The following CACUL1 variants were observed in gnomAD, a reference collection of about 807,000 sequenced individuals.
CACUL1 encodes the protein CDK2 associated cullin domain 1.
In CACUL1, 13 loss-of-function variants were observed where a neutral mutation model predicts 45.2. That is an observed-to-expected ratio of 0.29 (90% CI 0.19 to 0.46). The LOEUF (loss-of-function observed/expected upper bound fraction) is 0.46, where lower values mean the gene tolerates loss of function less well. CACUL1 is among the 20% of genes least tolerant of loss of function. The pLI, the probability that CACUL1 is intolerant of heterozygous loss-of-function variation, is 1.00. For synonymous variants in CACUL1, 197 were observed against 174.2 expected (o/e 1.13, Z -1.03); for missense variants, 421 against 471.4 (o/e 0.89, Z 0.99).
chr10:118,703,308 T>TC (rs991375183), intron 4 of CACUL1, among the ~76,000 whole-genome samples: 1 of 151,722 alleles, frequency 6.6e-6, no homozygotes, highest in Admixed American at 6.6e-5. Flanking sequence ...TATGCTTTTT[T>TC]CCCCCTAAAA....
At chr10:118,696,960 T>A (rs901628006) in intron 5 of CACUL1, among the ~76,000 whole-genome samples, 2 of 151,830 alleles carry the variant, frequency 1.3e-5, no homozygotes, top group African/African-American at 4.9e-5. Flanking sequence ...ACTCCTACCA[T>A]AACTGAAATC....
intron 8 of CACUL1, 89 bp downstream of exon 8, chr10:118,686,509 T>C (rs1443996098): frequency 1.9e-6 from 2 of 1,031,886 alleles, no homozygotes; most frequent in African/African-American, 1.6e-5. Context: ...ATGGGTATCA[T>C]CAAATTCAAT....
chr10:118,714,618 C>CAA (rs1272029572), intron 3 of CACUL1, among the ~76,000 whole-genome samples: 1 of 152,004 alleles, frequency 6.6e-6, no homozygotes, highest in African/African-American at 2.4e-5. Flanking sequence ...GTCTTTTTTT[C>CAA]AAGTGAAAAT....
At chr10:118,705,271 G>A (rs1451071035) in intron 4 of CACUL1, among the ~76,000 whole-genome samples, 1 of 152,092 alleles carries the variant, frequency 6.6e-6, no homozygotes, top group Non-Finnish European at 1.5e-5. Flanking sequence ...AAGTTGATTT[G>A]GCAGTATACC....
intron 3 of CACUL1, among the ~76,000 whole-genome samples, chr10:118,717,143 C>G (rs1052720461): frequency 6.6e-6 from 1 of 152,178 alleles, no homozygotes; most frequent in African/African-American, 2.4e-5. Context: ...AGCTGGCCCA[C>G]CTGTTAAGCA....
chr10:118,710,205 T>TGTGA (rs1564832290), intron 3 of CACUL1, among the ~76,000 whole-genome samples: 1 of 151,740 alleles, frequency 6.6e-6, no homozygotes, highest in Admixed American at 6.6e-5. Context: ...GGATTACAGG[T>TGTGA]GTGAGCCACC....
rs574984023 is a variant in CACUL1, at chr10:118,684,050, A to G, written c.*2078T>C. ...AAATTTTGCAAACTTTACTTTGCCC[A>G]CTTTTTATTAATACATACATAGTAA... is the stretch of plus-strand genomic sequence containing the variant. On this transcript the variant is annotated 3_prime_UTR_variant, in exon 9 of 9. Transcript: ENST00000369151. 3 of 152,760 alleles carry G rather than the reference A, an allele frequency of 2.0e-5. No homozygotes were observed. Among genetic ancestry groups the G allele is most frequent in the East Asian group, 1.9e-4 (1 of 5,184 alleles). 9.5% of individuals were successfully genotyped at this position (152,760 alleles called of 1,614,324 possible).
rs1845123320 is a variant in CACUL1, at chr10:118,678,946, G to A, written c.*7182C>T. ...TGCAAGATCTATTAATTACTGAGAG[G>A]GGTATGTTGAAAATGCCCATTATGT... is the stretch of plus-strand genomic sequence containing the variant. On this transcript the variant is annotated 3_prime_UTR_variant, in exon 9 of 9. Coordinates refer to ENST00000369151, the MANE Select transcript of CACUL1 (RefSeq NM_153810.5). The A allele has an allele frequency of 6.6e-6, 1 of 152,088 alleles. No individual in the cohort carries two copies. The highest frequency in any genetic ancestry group is 2.4e-5 in the African/African-American group (1 of 41,396). 9.4% of individuals were successfully genotyped at this position (152,088 alleles called of 1,614,324 possible). A position where few individuals can be genotyped will look rare whatever the true frequency, so the allele number is the denominator to read the frequency against.
chr10:118,754,314 G>A, intron 1 of CACUL1, 82 bp downstream of exon 1: 4 of 1,426,242 alleles, frequency 2.8e-6, no homozygotes, highest in East Asian at 5.6e-5. Flanking sequence ...CAAAGGAAGC[G>A]GAGCTTTCTC....
chr10:118,726,378 C>T, intron 3 of CACUL1: 1 of 1,242,104 alleles, frequency 8.1e-7, no homozygotes, highest in Middle Eastern at 2.2e-4. Context: ...AGCCAGAACA[C>T]ATCTGCTGAG....
intron 5 of CACUL1, among the ~76,000 whole-genome samples, chr10:118,700,716 CA>C (rs59032746): frequency 2.2e-4 from 29 of 132,926 alleles, no homozygotes; most frequent in Admixed American, 4.8e-4. Context: ...GACTCCGTCT[CA>C]AAAAAAAAAA....
chr10:118,689,317 C>T (rs559490045), intron 7 of CACUL1, among the ~76,000 whole-genome samples: 5 of 152,248 alleles, frequency 3.3e-5, no homozygotes, highest in South Asian at 2.1e-4. Flanking sequence ...CATATGAGAA[C>T]GTCCACTTTG....
In CACUL1 at chr10:118,751,211, T is replaced by C. The variant is rs570414616; in HGVS notation, c.367+3185A>G. Among the ~76,000 whole-genome samples, 8 of 152,320 alleles carry C rather than the reference T, an allele frequency of 5.3e-5. No individual in the cohort carries two copies. The East Asian group carries it at 1.5e-3, about 29-fold the overall frequency. On this transcript the variant is annotated intron_variant, in intron 1 of 8. Transcript: ENST00000369151. Reference sequence around the variant, plus strand: ...TTAATTTTAGGCACTGTAAATATCTTCTCTAATTTTTTCATCTTTTGCCAA... The same window carrying C: ...TTAATTTTAGGCACTGTAAATATCTCCTCTAATTTTTTCATCTTTTGCCAA...
chr10:118,707,005 G>A (rs553964520), intron 4 of CACUL1, among the ~76,000 whole-genome samples: 22 of 152,238 alleles, frequency 1.4e-4, no homozygotes, highest in African/African-American at 4.6e-4. Flanking sequence ...TATGACTCTC[G>A]ATATTTAAAA....
chr10:118,696,381 G>A (rs766571616), intron 5 of CACUL1, among the ~76,000 whole-genome samples: 110 of 152,278 alleles, frequency 7.2e-4, no homozygotes, highest in Non-Finnish European at 1.1e-3. Flanking sequence ...AGTGGCTCAC[G>A]CCTGTAATCC....
chr10:118,754,556 G>T lies in CACUL1; in HGVS notation c.207C>A (p.Gly69=), dbSNP rs1382838999. 1.2e-6 allele frequency: 2 copies of T among 1,612,038 alleles called. No individual in the cohort carries two copies. The highest frequency in any genetic ancestry group is 4.5e-5 in the East Asian group (2 of 44,756). The change falls in exon 1 of 9, where the codon GGC becomes GGA. Residue 69 remains glycine, a synonymous_variant. Coordinates refer to ENST00000369151, the MANE Select transcript of CACUL1 (RefSeq NM_153810.5). ...GCCCCATCGGGAGCCCCTCCTTGGG[G>T]CCTTTCCTGTCCACGGAGACCGCGG... The part of the protein sequence containing the change: ...AVPAVSVDRK[G]PKEGLPMGPQ...
chr10:118,699,649 A>AT (rs61106518), intron 5 of CACUL1, among the ~76,000 whole-genome samples: 111,133 of 149,138 alleles, frequency 0.75, 41,934 homozygotes, highest in Non-Finnish European at 0.82. Flanking sequence ...TCATGAGACA[A>AT]TTTTTTTTTT....
intron 4 of CACUL1, among the ~76,000 whole-genome samples, chr10:118,706,769 T>G (rs1845436205): frequency 6.6e-6 from 1 of 152,238 alleles, no homozygotes; most frequent in African/African-American, 2.4e-5. Context: ...CATGGTCTTT[T>G]GGAAAGTGCC....
At chr10:118,749,037 T>C (rs888483374) in intron 1 of CACUL1, among the ~76,000 whole-genome samples, 1 of 152,226 alleles carries the variant, frequency 6.6e-6, no homozygotes, top group Admixed American at 6.5e-5. Context: ...GAAAGGAATA[T>C]AAATTTGTCA....
Sources: allele counts gnomAD v4.1 joint callset (sites outside exome capture counted in the v4.1 genomes callset), GRCh38; gene constraint gnomAD v4.1.1; transcripts MANE v1.5; gene names NCBI Gene and HGNC (gene_info 2026-07-23, HGNC 2026-07-21).